Variants in ZMIZ1 observed in about 807,000 individuals in gnomAD.
The protein encoded by ZMIZ1 is zinc finger MIZ-type containing 1, also known as zinc finger MIZ domain-containing protein 1.
In ZMIZ1, 17 loss-of-function variants were observed where a neutral mutation model predicts 113.9. That is an observed-to-expected ratio of 0.15 (90% CI 0.10 to 0.22). The LOEUF (loss-of-function observed/expected upper bound fraction) is 0.22. Ranked by LOEUF, ZMIZ1 falls within the 10% of genes least tolerant of loss-of-function variation. The pLI, the probability that ZMIZ1 is intolerant of heterozygous loss-of-function variation, is 1.00. For synonymous variants in ZMIZ1, 607 were observed against 603.1 expected, an observed-to-expected ratio of 1.01 and a Z score of -0.09; for missense variants, 1,059 against 1,477.8, an observed-to-expected ratio of 0.72 and a Z score of 4.65.
rs1564594224 is a variant in ZMIZ1 at position 79,296,621 on chromosome 10, C to T, written c.1381C>T (p.Pro461Ser). 1.3e-6 allele frequency: 2 copies of T among 1,591,924 alleles called. No homozygotes were observed. Among genetic ancestry groups the T allele is most frequent in the Non-Finnish European group, 8.6e-7 (1 of 1,168,166 alleles). ...PSQPSSGQYP[P>S]PTVNMGQYYK... ...CCAGCCGAGCTCCGGGCAGTACCCG[C>T]CCCCCACGGTCAACATGGGGCAGTA... The change falls in exon 13 of 25, where the codon CCC becomes TCC. Residue 461 changes from proline (P) to serine (S), a missense_variant. By Grantham distance (74) the Pro-to-Ser change is moderately conservative (BLOSUM62 -1). Transcript: ENST00000334512. This position sits in a 1 kb window ranked among gnomAD's most constrained non-coding sequence, Gnocchi z 4.1.
At chr10:79,133,193 T>C (rs571562048) in intron 2 of ZMIZ1, among the ~76,000 whole-genome samples, 1 of 152,302 alleles carries the variant, frequency 6.6e-6, no homozygotes, top group Non-Finnish European at 1.5e-5. Flanking sequence ...CCCTGCCTTT[T>C]CACATGCAGG....
chr10:79,240,978 T>C (rs1031574784), intron 7 of ZMIZ1, among the ~76,000 whole-genome samples: 2 of 152,180 alleles, frequency 1.3e-5, no homozygotes, highest in African/African-American at 4.8e-5. Context: ...AAAATGAATT[T>C]GGAAGTCCCA....
chr10:79,084,702 G>A (rs1257882880), intron 1 of ZMIZ1, among the ~76,000 whole-genome samples: 1 of 152,172 alleles, frequency 6.6e-6, no homozygotes, highest in Non-Finnish European at 1.5e-5. Flanking sequence ...CCCTCTTTGA[G>A]CCTCAGTTTC....
chr10:79,175,647 C>T (rs1846825684), intron 4 of ZMIZ1, among the ~76,000 whole-genome samples: 1 of 142,252 alleles, frequency 7.0e-6, no homozygotes. Context: ...TTTACAGACC[C>T]GCATGTATGT....
At chr10:79,207,297 G>T (rs1848354903) in intron 5 of ZMIZ1, among the ~76,000 whole-genome samples, 1 of 152,232 alleles carries the variant, frequency 6.6e-6, no homozygotes, top group Non-Finnish European at 1.5e-5. Flanking sequence ...ACACTCCTGT[G>T]CTGTGGACAC....
intron 7 of ZMIZ1, among the ~76,000 whole-genome samples, chr10:79,266,947 G>A (rs1371613096): frequency 3.9e-5 from 6 of 152,334 alleles, no homozygotes; most frequent in East Asian, 1.9e-4. Context: ...GTTCCTGCCC[G>A]TCTCCCACCT....
chr10:79,197,611 T>TACACACACACAC (rs71482719), intron 4 of ZMIZ1, among the ~76,000 whole-genome samples: 10 of 89,988 alleles, frequency 1.1e-4, no homozygotes, highest in African/African-American at 3.5e-4. Context: ...CACACACACA[T>TACACACACACAC]ACACACACAC....
chr10:79,289,988 C>A, intron 9 of ZMIZ1, 99 bp downstream of exon 9: 1 of 1,236,000 alleles, frequency 8.1e-7, no homozygotes, highest in Non-Finnish European at 1.1e-6. Flanking sequence ...ACAGGCCTTG[C>A]CCTGCTGGAA....
intron 3 of ZMIZ1, among the ~76,000 whole-genome samples, chr10:79,153,086 G>A (rs1015185099): frequency 1.3e-5 from 2 of 152,218 alleles, no homozygotes; most frequent in South Asian, 2.1e-4. Context: ...CTGAAAGAAC[G>A]AATGAGACCC....
At chr10:79,208,306 C>T (rs1323907021) in intron 5 of ZMIZ1, 30 bp from the exon 6 acceptor site, 1 of 1,596,794 alleles carries the variant, frequency 6.3e-7, no homozygotes, top group Non-Finnish European at 8.6e-7. Context: ...ACTCTTGGAG[C>T]CTCAGCCGCC....
chr10:79,144,122 C>T (rs770570937), intron 3 of ZMIZ1, among the ~76,000 whole-genome samples: 1 of 152,166 alleles, frequency 6.6e-6, no homozygotes, highest in African/African-American at 2.4e-5. Flanking sequence ...CGAGTAATCC[C>T]GTGCCTTTAG....
At chr10:79,220,511 C>T (rs1421392012) in intron 7 of ZMIZ1, among the ~76,000 whole-genome samples, 2 of 152,336 alleles carry the variant, frequency 1.3e-5, no homozygotes, top group East Asian at 1.9e-4. Flanking sequence ...TTCCAGAGCT[C>T]GCTCCAGCCC....
chr10:79,079,478 C>T (rs1842587269), intron 1 of ZMIZ1, among the ~76,000 whole-genome samples: 1 of 152,244 alleles, frequency 6.6e-6, no homozygotes, highest in Non-Finnish European at 1.5e-5. Flanking sequence ...GCCTTTCTCC[C>T]CCTCTTCCAT....
At chr10:79,125,791 C>A (rs796649007) in intron 2 of ZMIZ1, among the ~76,000 whole-genome samples, 1 of 152,232 alleles carries the variant, frequency 6.6e-6, no homozygotes, top group Non-Finnish European at 1.5e-5. Flanking sequence ...TTACCCACCC[C>A]ACTCATGGCA....
At chr10:79,229,186 C>T (rs561264207) in intron 7 of ZMIZ1, among the ~76,000 whole-genome samples, 13 of 152,326 alleles carry the variant, frequency 8.5e-5, no homozygotes, top group African/African-American at 2.2e-4. Flanking sequence ...TGACAAGGTG[C>T]GGCCCAGGCA....
At chr10:79,302,317 C>A in intron 18 of ZMIZ1, 105 bp downstream of exon 18, 2 of 1,147,656 alleles carry the variant, frequency 1.7e-6, no homozygotes, top group Non-Finnish European at 2.5e-6. Flanking sequence ...TGCCTCCGTG[C>A]ATGTCACCAC....
chr10:79,087,473 T>C (rs1423314191), intron 1 of ZMIZ1, among the ~76,000 whole-genome samples: 1 of 152,146 alleles, frequency 6.6e-6, no homozygotes, highest in Non-Finnish European at 1.5e-5. Flanking sequence ...ACTGATGTCT[T>C]TGGACTCCAC....
At chr10:79,276,903 C>A (rs1047692507) in intron 7 of ZMIZ1, among the ~76,000 whole-genome samples, 3 of 152,174 alleles carry the variant, frequency 2.0e-5, no homozygotes, top group African/African-American at 4.8e-5. Flanking sequence ...GACTCTCCCC[C>A]TCTTTGCCTC....
chr10:79,313,941 C>T lies in ZMIZ1; in HGVS notation c.*1192C>T. ...TCCAGCCCCTCCCTCTGTCCCTGTGCTCCAAGCTGCCCCCGGCTGCAGCCC... is the reference window on the plus strand; with the variant it reads ...TCCAGCCCCTCCCTCTGTCCCTGTGTTCCAAGCTGCCCCCGGCTGCAGCCC... On this transcript the variant is annotated 3_prime_UTR_variant, in exon 25 of 25. Coordinates refer to ENST00000334512, the MANE Select transcript of ZMIZ1 (RefSeq NM_020338.4). The T allele has an allele frequency of 4.8e-6, 2 of 420,014 alleles. No homozygotes were observed. Among genetic ancestry groups the T allele is most frequent in the Non-Finnish European group, 9.6e-6 (2 of 207,870 alleles). 26.0% of individuals were successfully genotyped at this position (420,014 alleles called of 1,614,324 possible). A position where few individuals can be genotyped will look rare whatever the true frequency, so the allele number is the denominator to read the frequency against.
Sources: allele counts gnomAD v4.1 joint callset (sites outside exome capture counted in the v4.1 genomes callset), GRCh38; gene constraint gnomAD v4.1.1; non-coding constraint Gnocchi (gnomAD v3.1); transcripts MANE v1.5; gene names NCBI Gene and HGNC (gene_info 2026-07-23, HGNC 2026-07-21).